The following MIDEAS variants were observed in gnomAD, a reference collection of about 807,000 sequenced individuals.
MIDEAS encodes the protein mitotic deacetylase associated SANT domain protein.
Under a neutral mutation model 102.7 loss-of-function variants are expected in MIDEAS, and 26 were observed. That is an observed-to-expected ratio of 0.25 (90% confidence interval 0.19 to 0.35). MIDEAS has a LOEUF of 0.35. Ranked by LOEUF, MIDEAS falls within the 10% of genes least tolerant of loss-of-function variation. The pLI, the probability that MIDEAS is intolerant of heterozygous loss-of-function variation, is 1.00. For synonymous variants in MIDEAS, 585 were observed against 591.0 expected (o/e 0.99, Z 0.15); for missense variants, 1,231 against 1,435.6 (o/e 0.86, Z 2.30).
At chr14:73,751,576 C>T (rs1043069345) in intron 1 of MIDEAS, among the ~76,000 whole-genome samples, 1 of 152,158 alleles carries the variant, frequency 6.6e-6, no homozygotes, top group Non-Finnish European at 1.5e-5. Flanking sequence ...CCTCCAACCC[C>T]ACAACTGAGG....
intron 1 of MIDEAS, among the ~76,000 whole-genome samples, chr14:73,752,072 A>G (rs997944965): frequency 1.3e-5 from 2 of 152,066 alleles, no homozygotes; most frequent in Non-Finnish European, 2.9e-5. Flanking sequence ...ACAGCCACCC[A>G]TATCTCCACA....
chr14:73,760,616 G>A (rs2053546191), upstream of MIDEAS, among the ~76,000 whole-genome samples: 1 of 152,198 alleles, frequency 6.6e-6, no homozygotes, highest in South Asian at 2.1e-4. This position sits in a 1 kb window ranked among gnomAD's most constrained non-coding sequence, Gnocchi z 4.8. Flanking sequence ...GGCACAAGTC[G>A]CTTTCTTCCA....
At chr14:73,753,871 G>GA (rs1475953375) in intron 1 of MIDEAS, among the ~76,000 whole-genome samples, 3 of 152,094 alleles carry the variant, frequency 2.0e-5, no homozygotes, top group Non-Finnish European at 4.4e-5. Flanking sequence ...AGGGATACAG[G>GA]GGGATGAGGG....
In MIDEAS at chr14:73,719,456, C is replaced by G. The variant is rs141727675; in HGVS notation, c.2983G>C (p.Gly995Arg). The change falls in exon 12 of 13, where the codon GGG becomes CGG. Residue 995 changes from glycine to arginine, a missense_variant. Transcript: ENST00000423556. ...TCCGAGGCCTGGCCACCGGCAGACCCAGGGGCGTTGGACTCGTGGCTCCGG... is the reference window on the plus strand; with the variant it reads ...TCCGAGGCCTGGCCACCGGCAGACCGAGGGGCGTTGGACTCGTGGCTCCGG... ...ILRSHESNAP[G>R]SAGGQASEKP... 1.7e-5 allele frequency: 28 copies of G among 1,613,976 alleles called. No individual in the cohort carries two copies. The highest frequency in any genetic ancestry group is 2.2e-5 in the Non-Finnish European group (26 of 1,180,020).
At position 73,716,350 on chromosome 14, in the gene MIDEAS, T is replaced by C. The variant is rs2052888890; in HGVS notation, c.*2493A>G. The C allele has an allele frequency of 6.6e-6, 1 of 152,166 alleles. No individual in the cohort carries two copies. The highest frequency in any genetic ancestry group is 2.1e-4 in the South Asian group (1 of 4,828). 9.4% of individuals were successfully genotyped at this position (152,166 alleles called of 1,614,324 possible). On this transcript the variant is annotated 3_prime_UTR_variant, in exon 13 of 13. Transcript: ENST00000423556. Reference sequence around the variant, plus strand: ...TTACATTCACCTGGTCTGGTCTCTGTAAGCTTAGAAGAGTAGAATCACTTT... The same window carrying C: ...TTACATTCACCTGGTCTGGTCTCTGCAAGCTTAGAAGAGTAGAATCACTTT...
At chr14:73,735,533 T>C (rs1231133825) in intron 3 of MIDEAS, among the ~76,000 whole-genome samples, 1 of 152,208 alleles carries the variant, frequency 6.6e-6, no homozygotes, top group Non-Finnish European at 1.5e-5. Flanking sequence ...AATAGAAAGA[T>C]ATAAACTGTA....
intron 1 of MIDEAS, among the ~76,000 whole-genome samples, chr14:73,783,854 A>G (rs12717560): frequency 0.75 from 114,130 of 152,198 alleles, 44,003 homozygotes; most frequent in African/African-American, 0.91. Context: ...TTAAGCGACT[A>G]GAATGCCCTC....
chr14:73,736,805 C>G (rs984443369), intron 3 of MIDEAS, among the ~76,000 whole-genome samples, 193 bp downstream of exon 3: 5 of 152,086 alleles, frequency 3.3e-5, no homozygotes, highest in African/African-American at 1.2e-4. Context: ...TGTCTCATCC[C>G]CCATTAGGAG....
rs1313798925 is a variant in MIDEAS at position 73,717,330 on chromosome 14, G to A, written c.*1513C>T. The A allele has an allele frequency of 1.3e-5, 2 of 152,318 alleles. No individual in the cohort carries two copies. The highest frequency in any genetic ancestry group is 6.5e-5 in the Admixed American group (1 of 15,300). 9.4% of individuals were successfully genotyped at this position (152,318 alleles called of 1,614,324 possible). ...CCCCGCTATGGGACTGGAAGTGAAG[G>A]GGCCTCCAGAACCTCCTGGCCCTTT... On this transcript the variant is annotated 3_prime_UTR_variant, in exon 13 of 13. Transcript: ENST00000423556.
At chr14:73,776,097 G>C (rs1300711798) in intron 1 of MIDEAS, among the ~76,000 whole-genome samples, 4 of 151,952 alleles carry the variant, frequency 2.6e-5, no homozygotes, top group Non-Finnish European at 5.9e-5. Flanking sequence ...GTGGCCCCAA[G>C]AGTCTCACCC....
intron 1 of MIDEAS, among the ~76,000 whole-genome samples, chr14:73,745,874 G>C (rs943622852): frequency 2.0e-5 from 3 of 152,232 alleles, no homozygotes; most frequent in Non-Finnish European, 2.9e-5. Flanking sequence ...GAGCAGGCAA[G>C]AGGCCCTATG....
rs1182741896 is a variant in MIDEAS, at chr14:73,719,508, AAAATC to A, written c.2938-12_2938-8del. 6 of 1,612,260 alleles carry A rather than the reference AAAATC, an allele frequency of 3.7e-6. No individual in the cohort carries two copies. In the South Asian group the frequency reaches 6.6e-5, roughly 18 times the overall value. On this transcript the variant is annotated splice_region_variant and splice_polypyrimidine_tract_variant and intron_variant, in intron 11 of 12. Transcript: ENST00000423556. Reference sequence around the variant, plus strand: ...GGATGAGGATGTCACTGGCCTGAAGAAAATCAAACAAGGAGAGTTGAGTGATCTGA... The same window carrying A: ...GGATGAGGATGTCACTGGCCTGAAGAAAACAAGGAGAGTTGAGTGATCTGA...
rs2140155583 is a variant in MIDEAS at position 73,759,488 on chromosome 14, G to T, written c.-248+275C>A. Among the ~76,000 whole-genome samples the T allele has an allele frequency of 6.6e-6, 1 of 151,176 alleles. No homozygotes were observed. The highest frequency in any genetic ancestry group is 2.4e-5 in the African/African-American group (1 of 41,390). ...TGCGTAGCTGCACAAACACCGCGGG[G>T]CTGCGCTGCACACGCAGCTGCGGGC... On this transcript the variant is annotated intron_variant, in intron 1 of 12. Transcript: ENST00000423556. The surrounding 1 kb of genome is among the most constrained non-coding windows in gnomAD (Gnocchi z 6.7).
chr14:73,776,425 T>C (rs1297266314), intron 1 of MIDEAS, among the ~76,000 whole-genome samples: 1 of 151,512 alleles, frequency 6.6e-6, no homozygotes, highest in African/African-American at 2.4e-5. Flanking sequence ...GGCTCATGCC[T>C]GTCATCCCAA....
intron 1 of MIDEAS, among the ~76,000 whole-genome samples, chr14:73,755,801 A>T (rs1270563781): frequency 6.6e-6 from 1 of 152,188 alleles, no homozygotes; most frequent in Non-Finnish European, 1.5e-5. Context: ...TTCCTACTAT[A>T]AACAGGACAC....
chr14:73,770,147 C>T (rs1471129885), intron 1 of MIDEAS, among the ~76,000 whole-genome samples: 1 of 151,884 alleles, frequency 6.6e-6, no homozygotes, highest in Non-Finnish European at 1.5e-5. Flanking sequence ...AAAGGATGGA[C>T]AGAGGGAAAC....
At chr14:73,757,047 T>C (rs1021561693) in intron 1 of MIDEAS, among the ~76,000 whole-genome samples, 1 of 151,692 alleles carries the variant, frequency 6.6e-6, no homozygotes, top group African/African-American at 2.4e-5. Context: ...CCAAAGTGGG[T>C]GGATTTCTTG....
chr14:73,727,066 C>A, intron 5 of MIDEAS, 94 bp from the exon 6 acceptor site: 1 of 1,471,774 alleles, frequency 6.8e-7, no homozygotes, highest in Non-Finnish European at 9.1e-7. Flanking sequence ...GAGGGGGAGC[C>A]GGCAGAGCAA....
intron 3 of MIDEAS, among the ~76,000 whole-genome samples, chr14:73,732,220 A>G (rs982041638): frequency 1.3e-5 from 2 of 152,248 alleles, no homozygotes; most frequent in African/African-American, 4.8e-5. Context: ...TCCCCTGCCT[A>G]TTAGAGGCAT....
Sources: allele counts gnomAD v4.1 joint callset (sites outside exome capture counted in the v4.1 genomes callset), GRCh38; gene constraint gnomAD v4.1.1; non-coding constraint Gnocchi (gnomAD v3.1); transcripts MANE v1.5; gene names NCBI Gene and HGNC (gene_info 2026-07-23, HGNC 2026-07-21).